The following LYPD6B variants were observed in gnomAD, a reference collection of about 807,000 sequenced individuals.
LYPD6B encodes LY6/PLAUR domain containing 6B.
LYPD6B carries 17 observed loss-of-function variants against 22.8 expected under a neutral mutation model. That is an observed-to-expected ratio of 0.75 (90% confidence interval 0.51 to 1.12). LYPD6B has a LOEUF of 1.12. LYPD6B is among the 50% of genes most tolerant of loss of function. The pLI is 0.00. For synonymous variants in LYPD6B, 106 were observed against 91.6 expected, an observed-to-expected ratio of 1.16 and a Z score of -0.90; for missense variants, 221 against 258.3, an observed-to-expected ratio of 0.86 and a Z score of 0.99.
At chr2:149,068,222 C>T (rs1248188047) in intron 1 of LYPD6B, among the ~76,000 whole-genome samples, 1 of 152,078 alleles carries the variant, frequency 6.6e-6, no homozygotes, top group Admixed American at 6.6e-5. Flanking sequence ...CTTTACCATG[C>T]TTTGTTTTGG....
At chr2:149,213,674 T>C (rs931988171) in intron 6 of LYPD6B, among the ~76,000 whole-genome samples, 15 of 152,212 alleles carry the variant, frequency 9.9e-5, no homozygotes, top group African/African-American at 3.6e-4. Context: ...CTGTAATAAG[T>C]ACAGAAAATG....
intron 3 of LYPD6B, among the ~76,000 whole-genome samples, chr2:149,175,256 C>T (rs1475650573): frequency 6.6e-6 from 1 of 152,126 alleles, no homozygotes; most frequent in Non-Finnish European, 1.5e-5. Context: ...CAATCCTATA[C>T]AGCATGTTAC....
At chr2:149,083,888 A>G (rs1685254861) in intron 1 of LYPD6B, among the ~76,000 whole-genome samples, 1 of 152,056 alleles carries the variant, frequency 6.6e-6, no homozygotes, top group South Asian at 2.1e-4. Context: ...CATCCTGGCT[A>G]ACACGGTGAA....
At chr2:149,191,348 T>C (rs1034054047) in intron 3 of LYPD6B, among the ~76,000 whole-genome samples, 2 of 152,186 alleles carry the variant, frequency 1.3e-5, no homozygotes, top group Non-Finnish European at 2.9e-5. Context: ...TTTTTGGAAA[T>C]GTTTATGGCT....
chr2:149,160,965 TC>T, intron 3 of LYPD6B, 130 bp downstream of exon 3: 1 of 708,410 alleles, frequency 1.4e-6, no homozygotes, highest in Non-Finnish European at 2.4e-6. Flanking sequence ...TTGCCAGGTT[TC>T]CCATCCTAAG....
intron 1 of LYPD6B, among the ~76,000 whole-genome samples, chr2:149,043,957 A>G (rs1013166272): frequency 2.0e-5 from 3 of 152,086 alleles, no homozygotes; most frequent in African/African-American, 7.2e-5. Context: ...AGGGTTTATT[A>G]CTAGACTCTC....
intron 1 of LYPD6B, among the ~76,000 whole-genome samples, chr2:149,089,073 A>G (rs986249116): frequency 4.6e-5 from 7 of 152,232 alleles, no homozygotes; most frequent in African/African-American, 7.2e-5. Flanking sequence ...GATAGAATAC[A>G]TGTAAAGTGT....
intron 1 of LYPD6B, among the ~76,000 whole-genome samples, chr2:149,066,808 C>T (rs926594833): frequency 4.0e-5 from 6 of 151,722 alleles, no homozygotes; most frequent in African/African-American, 1.5e-4. Context: ...ATTTATTATT[C>T]CTTGGTTTCT....
chr2:149,120,782 G>GTTTTTT (rs1559010612), intron 1 of LYPD6B, among the ~76,000 whole-genome samples: 4 of 85,812 alleles, frequency 4.7e-5, no homozygotes, highest in African/African-American at 2.2e-4. Flanking sequence ...ATGCTACAAA[G>GTTTTTT]TCTTTTTTTT....
At chr2:149,197,721 C>A (rs1692901121) in intron 3 of LYPD6B, among the ~76,000 whole-genome samples, 1 of 152,158 alleles carries the variant, frequency 6.6e-6, no homozygotes, top group Non-Finnish European at 1.5e-5. Context: ...AAGTACAGAG[C>A]AAAGGGAAAT....
At chr2:149,144,914 C>T (rs1053594797) in intron 2 of LYPD6B, among the ~76,000 whole-genome samples, 6 of 152,186 alleles carry the variant, frequency 3.9e-5, no homozygotes, top group Non-Finnish European at 7.4e-5. Context: ...CCCTATGAAA[C>T]GTGGTGTCAA....
At chr2:149,158,361 A>C (rs909549687) in intron 2 of LYPD6B, among the ~76,000 whole-genome samples, 5 of 152,246 alleles carry the variant, frequency 3.3e-5, no homozygotes, top group Admixed American at 2.0e-4. Flanking sequence ...ATTCTGATAC[A>C]TACTACCACA....
chr2:149,206,632 A>G (rs137929190), intron 4 of LYPD6B, among the ~76,000 whole-genome samples: 1 of 152,298 alleles, frequency 6.6e-6, no homozygotes, highest in African/African-American at 2.4e-5. Flanking sequence ...CATGTTCATT[A>G]TAGAAAATTC....
chr2:149,147,371 T>C (rs1272405807), intron 2 of LYPD6B, among the ~76,000 whole-genome samples: 2 of 152,354 alleles, frequency 1.3e-5, no homozygotes, highest in Non-Finnish European at 2.9e-5. Flanking sequence ...GGACAGGCTT[T>C]TCTGCCTCTT....
chr2:149,113,579 A>G (rs1479251969), intron 1 of LYPD6B, among the ~76,000 whole-genome samples: 2 of 152,198 alleles, frequency 1.3e-5, no homozygotes, highest in Non-Finnish European at 2.9e-5. Flanking sequence ...ATACATTGCA[A>G]TCTGTAAGGC....
intron 3 of LYPD6B, among the ~76,000 whole-genome samples, chr2:149,166,172 G>GA: frequency 6.6e-6 from 1 of 152,050 alleles, no homozygotes; most frequent in South Asian, 2.1e-4. Context: ...TAGCCTCAAA[G>GA]AAAAAAATGT....
intron 5 of LYPD6B, among the ~76,000 whole-genome samples, chr2:149,210,362 C>T (rs992984020): frequency 6.6e-6 from 1 of 152,060 alleles, no homozygotes; most frequent in Admixed American, 6.5e-5. Context: ...ACCTGAGAGG[C>T]TGACTCTTAA....
chr2:149,069,933 A>G (rs1684520074), intron 1 of LYPD6B, among the ~76,000 whole-genome samples: 1 of 148,748 alleles, frequency 6.7e-6, no homozygotes, highest in Non-Finnish European at 1.5e-5. Flanking sequence ...AATTGCAGAG[A>G]TGGGTGGTGT....
chr2:149,175,821 T>C (rs1204426694), intron 3 of LYPD6B, among the ~76,000 whole-genome samples: 2 of 151,862 alleles, frequency 1.3e-5, no homozygotes, highest in Non-Finnish European at 2.9e-5. Flanking sequence ...AATATCACTG[T>C]CTTCCACCTC....
Sources: allele counts gnomAD v4.1 joint callset (sites outside exome capture counted in the v4.1 genomes callset), GRCh38; gene constraint gnomAD v4.1.1; transcripts MANE v1.5; gene names NCBI Gene and HGNC (gene_info 2026-07-23, HGNC 2026-07-21).